Variants in ATP6V0D2 observed in about 807,000 individuals in gnomAD.
ATP6V0D2 encodes the protein ATPase H+ transporting V0 subunit d2.
A neutral mutation model predicts 40.0 loss-of-function variants in ATP6V0D2; 40 were observed. That is an observed-to-expected ratio of 1.00 (90% CI 0.78 to 1.30). The LOEUF (loss-of-function observed/expected upper bound fraction) is 1.30, where lower values mean the gene tolerates loss of function less well. ATP6V0D2 is among the 50% of genes most tolerant of loss of function. The probability of loss-of-function intolerance (pLI) is 0.00; values close to 1 mark genes in which losing one functional copy is unlikely to be tolerated. For missense variants in ATP6V0D2, 470 were observed against 423.1 expected, an observed-to-expected ratio of 1.11 and a Z score of -0.97; for synonymous variants, 179 against 156.3, an observed-to-expected ratio of 1.15 and a Z score of -1.08.
chr8:86,113,948 G>T (rs956181605), intron 2 of ATP6V0D2, 68 bp downstream of exon 2: 1 of 1,427,142 alleles, frequency 7.0e-7, no homozygotes. Context: ...ACAATTACAG[G>T]GTGGGTATCA....
chr8:86,126,236 CTA>C (rs60590702), intron 2 of ATP6V0D2, among the ~76,000 whole-genome samples: 7,186 of 77,042 alleles, frequency 0.093, 939 homozygotes, highest in African/African-American at 0.23. Flanking sequence ...CGTGCTCAGC[CTA>C]TATATATATA....
At chr8:86,148,621 T>C (rs998346367) in intron 5 of ATP6V0D2, among the ~76,000 whole-genome samples, 1 of 152,150 alleles carries the variant, frequency 6.6e-6, no homozygotes, top group Admixed American at 6.6e-5. Flanking sequence ...CTAATGAGTT[T>C]CCAGGTGACG....
chr8:86,100,070 G>A (rs558327553), intron 1 of ATP6V0D2, among the ~76,000 whole-genome samples: 11 of 151,594 alleles, frequency 7.3e-5, no homozygotes, highest in Admixed American at 6.6e-4. Context: ...GCTGTTACTG[G>A]TGGGGCCAGC....
chr8:86,111,927 T>C (rs532936487), intron 1 of ATP6V0D2, among the ~76,000 whole-genome samples: 19 of 152,344 alleles, frequency 1.2e-4, no homozygotes, highest in African/African-American at 4.3e-4. Context: ...TGTGACTGCC[T>C]CTTTCTTTAC....
Position 86,113,008 on chromosome 8 carries a change from C to T in ATP6V0D2, c.131-701C>T, listed in dbSNP as rs1262215708. On this transcript the variant is annotated intron_variant, in intron 1 of 7. Coordinates refer to ENST00000285393, the MANE Select transcript of ATP6V0D2 (RefSeq NM_152565.1). ...CCTGCCCCCACACCCATGGTAGCTA[C>T]TACTAATACATTTATCTTTTCCATC... is the stretch of plus-strand genomic sequence containing the variant. 8.5e-5 allele frequency among the ~76,000 whole-genome samples: 13 copies of T among 152,254 alleles called. No individual in the cohort carries two copies. In the South Asian group the frequency reaches 1.9e-3, roughly 22 times the overall value.
At position 86,139,465 on chromosome 8, in the gene ATP6V0D2, A is replaced by G. The variant is rs1238596535; in HGVS notation, c.311A>G (p.Tyr104Cys). 1.2e-6 allele frequency: 2 copies of G among 1,607,514 alleles called. No homozygotes were observed. Among genetic ancestry groups the G allele is most frequent in the African/African-American group, 1.3e-5 (1 of 74,610 alleles). Residue 104 changes from tyrosine (Y) to cysteine (C), a missense_variant, in exon 3 of 8, where the codon TAT (tyrosine) becomes TGT (cysteine). Transcript: ENST00000285393. ...GTTGTCTTCTGAACCAGGTGCAGTT[A>G]TATGATAGACAATGTGATTCTGCTG... ...STFLTYMTCS[Y>C]MIDNVILLMN...
rs1166858589 is a variant in ATP6V0D2 at position 86,149,052 on chromosome 8, G to GAAAAAAAAAAA, written c.640-1058_640-1057insAAAAAAAAAAA. On this transcript the variant is annotated intron_variant, in intron 5 of 7. Transcript: ENST00000285393. ...ACAGAGTGAGACCCAATCTCCAAAG[G>GAAAAAAAAAAA]AAGAAAAAAAAAAAAAAAAAAAACC... 2.8e-4 allele frequency among the ~76,000 whole-genome samples: 19 copies of GAAAAAAAAAAA among 69,000 alleles called. 3 individuals carry two copies. Among genetic ancestry groups the GAAAAAAAAAAA allele is most frequent in the African/African-American group, 5.2e-4 (8 of 15,270 alleles). The allele number at this position is 69,000 out of a possible 152,430, so 45.3% of individuals were successfully genotyped here.
At chr8:86,112,585 C>G (rs1330374631) in intron 1 of ATP6V0D2, among the ~76,000 whole-genome samples, 1 of 151,990 alleles carries the variant, frequency 6.6e-6, no homozygotes, top group African/African-American at 2.4e-5. Context: ...CACTCAATCA[C>G]TGGTAACTAT....
chr8:86,114,903 C>T (rs1389928580), intron 2 of ATP6V0D2, among the ~76,000 whole-genome samples: 1 of 152,054 alleles, frequency 6.6e-6, no homozygotes, highest in African/African-American at 2.4e-5. Context: ...AGGTCCAAGC[C>T]CAGGTCTGGT....
intron 2 of ATP6V0D2, among the ~76,000 whole-genome samples, chr8:86,123,965 GTCTT>G (rs1261321954): frequency 1.3e-5 from 2 of 152,052 alleles, no homozygotes; most frequent in Non-Finnish European, 2.9e-5. Flanking sequence ...TGAGTTTTGT[GTCTT>G]TCTTTCCCCA....
intron 5 of ATP6V0D2, among the ~76,000 whole-genome samples, chr8:86,144,851 A>G (rs933414414): frequency 6.6e-6 from 1 of 151,872 alleles, no homozygotes; most frequent in Admixed American, 6.6e-5. Flanking sequence ...ATTTTTTAAA[A>G]AAGTTTGAAA....
intron 5 of ATP6V0D2, among the ~76,000 whole-genome samples, chr8:86,144,852 A>G (rs1819025635): frequency 6.6e-6 from 1 of 151,838 alleles, no homozygotes; most frequent in Non-Finnish European, 1.5e-5. Context: ...TTTTTTAAAA[A>G]AGTTTGAAAA....
At chr8:86,101,752 G>T (rs935415796) in intron 1 of ATP6V0D2, among the ~76,000 whole-genome samples, 7 of 152,074 alleles carry the variant, frequency 4.6e-5, no homozygotes, top group Admixed American at 2.0e-4. Context: ...ACATAAGCAG[G>T]CATATGCAGA....
At chr8:86,126,229 G>T (rs1818739974) in intron 2 of ATP6V0D2, among the ~76,000 whole-genome samples, 1 of 52,422 alleles carries the variant, frequency 1.9e-5, no homozygotes, top group Non-Finnish European at 5.0e-5. Context: ...GAACTACCGT[G>T]CTCAGCCTAT....
rs141186541 is a variant in ATP6V0D2 at position 86,145,415 on chromosome 8, A to C, written c.639+2461A>C. On this transcript the variant is annotated intron_variant, in intron 5 of 7. Transcript: ENST00000285393. ...AAAGAAAAGAAAAGAAAAGAAAAGA[A>C]AAGACGAGGTATCTCTATGTTGTCC... is the stretch of plus-strand genomic sequence containing the variant. Among the ~76,000 whole-genome samples the C allele has an allele frequency of 2.2e-3, 329 of 151,522 alleles. 1 individual carries two copies. Among genetic ancestry groups the C allele is most frequent in the Admixed American group, 3.6e-3 (54 of 15,200 alleles).
intron 1 of ATP6V0D2, among the ~76,000 whole-genome samples, chr8:86,101,265 C>A (rs1169354372): frequency 6.6e-6 from 1 of 151,758 alleles, no homozygotes; most frequent in Non-Finnish European, 1.5e-5. Flanking sequence ...TCAAGACCAG[C>A]CTGAGCAACA....
chr8:86,109,027 T>A (rs1017209417), intron 1 of ATP6V0D2, among the ~76,000 whole-genome samples: 8 of 152,224 alleles, frequency 5.3e-5, no homozygotes, highest in Non-Finnish European at 1.2e-4. Context: ...TATATTCTAT[T>A]TTCCTTATTT....
At chr8:86,137,032 G>A (rs1818906924) in intron 2 of ATP6V0D2, among the ~76,000 whole-genome samples, 1 of 141,846 alleles carries the variant, frequency 7.0e-6, no homozygotes, top group Non-Finnish European at 1.5e-5. Flanking sequence ...AAAATCGAAA[G>A]CGTCCTTGGC....
intron 2 of ATP6V0D2, among the ~76,000 whole-genome samples, chr8:86,133,861 C>T (rs1316365005): frequency 6.6e-6 from 1 of 151,770 alleles, no homozygotes; most frequent in Non-Finnish European, 1.5e-5. Context: ...AGTAATAAAT[C>T]CCAGAAGGAG....
Sources: allele counts gnomAD v4.1 joint callset (sites outside exome capture counted in the v4.1 genomes callset), GRCh38; gene constraint gnomAD v4.1.1; transcripts MANE v1.5; gene names NCBI Gene and HGNC (gene_info 2026-07-23, HGNC 2026-07-21).